The following FGGY variants were observed in gnomAD, a reference collection of about 807,000 sequenced individuals.
The protein encoded by FGGY is FGGY carbohydrate kinase domain containing, also known as FGGY carbohydrate kinase domain-containing protein.
Under a neutral mutation model 71.3 loss-of-function variants are expected in FGGY, and 72 were observed. That is an observed-to-expected ratio of 1.01 (90% CI 0.84 to 1.23). The LOEUF (loss-of-function observed/expected upper bound fraction) is 1.23. Among genes scored for constraint, FGGY ranks in the 50% most tolerant of loss-of-function variants. FGGY has a pLI of 0.00. For synonymous variants in FGGY, 251 were observed against 250.3 expected (o/e 1.00, Z -0.02); for missense variants, 668 against 682.3 (o/e 0.98, Z 0.23).
chr1:59,708,720 G>A (rs557984968), intron 14 of FGGY, among the ~76,000 whole-genome samples: 1 of 152,308 alleles, frequency 6.6e-6, no homozygotes, highest in Non-Finnish European at 1.5e-5. Context: ...GTTGGGACCT[G>A]TACCTAGATT....
At chr1:59,506,903 C>A (rs1428734772) in intron 6 of FGGY, among the ~76,000 whole-genome samples, 2 of 151,988 alleles carry the variant, frequency 1.3e-5, no homozygotes, top group African/African-American at 4.8e-5. Flanking sequence ...CCAGAGAAAA[C>A]CTATTTTCTG....
At chr1:59,491,160 T>C (rs985479477) in intron 6 of FGGY, among the ~76,000 whole-genome samples, 4 of 145,814 alleles carry the variant, frequency 2.7e-5, no homozygotes, top group African/African-American at 1.0e-4. Flanking sequence ...TCTTTCTCTC[T>C]TTTTTTCTTT....
chr1:59,456,653 G>A (rs995412620), intron 5 of FGGY, among the ~76,000 whole-genome samples: 1 of 152,058 alleles, frequency 6.6e-6, no homozygotes, highest in Non-Finnish European at 1.5e-5. Flanking sequence ...TGACCATGTT[G>A]GCCAGGCTGG....
chr1:59,694,713 A>G (rs1200372877), intron 14 of FGGY, among the ~76,000 whole-genome samples: 2 of 147,264 alleles, frequency 1.4e-5, no homozygotes, highest in East Asian at 3.9e-4. Flanking sequence ...TTTTAAAGAG[A>G]TGGGGTCTCA....
At chr1:59,704,846 T>C (rs1298075029) in intron 14 of FGGY, among the ~76,000 whole-genome samples, 2 of 152,230 alleles carry the variant, frequency 1.3e-5, no homozygotes, top group African/African-American at 4.8e-5. Context: ...TAAAATTTTG[T>C]TAGCTGTGGC....
At chr1:59,369,393 T>G (rs1571121333) in intron 4 of FGGY, among the ~76,000 whole-genome samples, 1 of 152,074 alleles carries the variant, frequency 6.6e-6, no homozygotes, top group Non-Finnish European at 1.5e-5. Context: ...CTTGCTTAGG[T>G]AAACAGAGCA....
At chr1:59,671,919 G>C (rs991054057) in intron 13 of FGGY, among the ~76,000 whole-genome samples, 1 of 152,130 alleles carries the variant, frequency 6.6e-6, no homozygotes, top group African/African-American at 2.4e-5. Context: ...GGATTCACCA[G>C]GTTCACTCAC....
At chr1:59,550,087 A>T (rs369863469) in intron 7 of FGGY, among the ~76,000 whole-genome samples, 1 of 152,182 alleles carries the variant, frequency 6.6e-6, no homozygotes, top group Non-Finnish European at 1.5e-5. Flanking sequence ...AACACAGTTG[A>T]TGATGTCACT....
chr1:59,333,281 A>G (rs972526731), intron 2 of FGGY, among the ~76,000 whole-genome samples: 3 of 152,248 alleles, frequency 2.0e-5, no homozygotes, highest in Non-Finnish European at 4.4e-5. Flanking sequence ...CACAGAAGCC[A>G]ATTGGGCCAC....
chr1:59,532,910 G>C (rs1347039746), intron 7 of FGGY, among the ~76,000 whole-genome samples: 1 of 152,112 alleles, frequency 6.6e-6, no homozygotes. Flanking sequence ...AAGTAATTTA[G>C]CAAGGTTGCT....
At chr1:59,324,840 G>A (rs2047094620) in intron 2 of FGGY, among the ~76,000 whole-genome samples, 1 of 152,172 alleles carries the variant, frequency 6.6e-6, no homozygotes, top group African/African-American at 2.4e-5. Context: ...AGGTTACCCA[G>A]GATTACGAGT....
At position 59,530,925 on chromosome 1, in the gene FGGY, G is replaced by T. The variant is rs148083670; in HGVS notation, c.799+18486G>T. On this transcript the variant is annotated intron_variant, in intron 7 of 15. Transcript: ENST00000303721. ...AGGCAGTGAGGTTAATGGACCAGAA[G>T]ACGGGACTGTTGTAAGAGACCTTGA... is the stretch of plus-strand genomic sequence containing the variant. Among the ~76,000 whole-genome samples, 116 of 152,314 alleles carry T rather than the reference G, an allele frequency of 7.6e-4. No individual in the cohort carries two copies. In the East Asian group the frequency reaches 0.021, roughly 28 times the overall value.
chr1:59,324,302 A>G, intron 2 of FGGY, among the ~76,000 whole-genome samples: 1 of 95,906 alleles, frequency 1.0e-5, no homozygotes, highest in African/African-American at 4.1e-5. Flanking sequence ...TTTGAGACGG[A>G]GTCTCGCTCT....
At chr1:59,746,635 A>G (rs1415397603) in intron 14 of FGGY, among the ~76,000 whole-genome samples, 3 of 152,046 alleles carry the variant, frequency 2.0e-5, no homozygotes, top group Non-Finnish European at 4.4e-5. Flanking sequence ...GGGCCTACAA[A>G]CACGTACCAT....
chr1:59,359,927 C>G (rs1005474091), intron 4 of FGGY, among the ~76,000 whole-genome samples: 2 of 152,020 alleles, frequency 1.3e-5, no homozygotes, highest in African/African-American at 4.8e-5. Context: ...ACCTGGCCTC[C>G]GTTTCTCATT....
chr1:59,485,562 T>C (rs979091466), intron 6 of FGGY, among the ~76,000 whole-genome samples: 2 of 152,186 alleles, frequency 1.3e-5, no homozygotes, highest in African/African-American at 2.4e-5. Context: ...TTTGTATGAG[T>C]AGGAAATTTG....
At chr1:59,624,238 A>C (rs1320279610) in intron 9 of FGGY, among the ~76,000 whole-genome samples, 1 of 152,168 alleles carries the variant, frequency 6.6e-6, no homozygotes, top group Non-Finnish European at 1.5e-5. Context: ...AGTAGACAAT[A>C]TGACGTGGTG....
intron 5 of FGGY, among the ~76,000 whole-genome samples, chr1:59,456,316 T>G (rs1167901535): frequency 6.6e-6 from 1 of 152,186 alleles, no homozygotes; most frequent in African/African-American, 2.4e-5. Flanking sequence ...ATATCTAAAA[T>G]TTCATAATTT....
chr1:59,615,565 C>A (rs2096742955), intron 9 of FGGY, among the ~76,000 whole-genome samples: 1 of 152,136 alleles, frequency 6.6e-6, no homozygotes, highest in African/African-American at 2.4e-5. Context: ...CCAGGCAATA[C>A]CATTCAGGAC....
Sources: gnomAD v4.1 joint callset for allele counts (sites outside exome capture counted in the v4.1 genomes callset) on GRCh38, gnomAD v4.1.1 for gene constraint, MANE v1.5 for transcripts, NCBI Gene and HGNC (gene_info 2026-07-23, HGNC 2026-07-21) for gene names.